Variants in MTMR12 observed in about 807,000 individuals in gnomAD.
MTMR12 encodes the protein myotubularin related protein 12, also known as myotubularin-related protein 12.
MTMR12 carries 33 observed loss-of-function variants against 96.7 expected under a neutral mutation model. The observed-to-expected ratio is 0.34, with a 90% confidence interval of 0.26 to 0.46. The LOEUF is 0.46. MTMR12 is among the 20% of genes least tolerant of loss of function. MTMR12 has a pLI of 1.00. For synonymous variants in MTMR12, 298 were observed against 327.2 expected, an observed-to-expected ratio of 0.91 and a Z score of 0.96; for missense variants, 721 against 896.1, an observed-to-expected ratio of 0.80 and a Z score of 2.49.
chr5:32,239,281 G>A lies in MTMR12; in HGVS notation c.1172-108C>T, dbSNP rs923747254. On this transcript the variant is annotated intron_variant, in intron 12 of 15. Coordinates refer to ENST00000382142, the MANE Select transcript of MTMR12 (RefSeq NM_001040446.3). ...TTAAAAGTAGGATTCCCAACACCAA[G>A]GTCTACTATTAACAGTCATGTTCTT... The A allele has an allele frequency of 3.5e-6, 4 of 1,136,338 alleles. No individual in the cohort carries two copies. The South Asian group carries it at 6.5e-5, about 19-fold the overall frequency. The allele number at this position is 1,136,338 out of a possible 1,614,324, so 70.4% of individuals were successfully genotyped here. A position where few individuals can be genotyped will look rare whatever the true frequency, so the allele number is the denominator to read the frequency against.
At chr5:32,282,218 T>C (rs1308389463) in intron 1 of MTMR12, among the ~76,000 whole-genome samples, 1 of 151,790 alleles carries the variant, frequency 6.6e-6, no homozygotes, top group African/African-American at 2.4e-5. Flanking sequence ...CCGTCTCTAC[T>C]AAAAATACAA....
At chr5:32,251,589 A>T (rs909073587) in intron 8 of MTMR12, among the ~76,000 whole-genome samples, 5 of 152,226 alleles carry the variant, frequency 3.3e-5, no homozygotes, top group Non-Finnish European at 7.3e-5. Context: ...TGGTAGAGAA[A>T]ACAAGTATAG....
intron 2 of MTMR12, among the ~76,000 whole-genome samples, chr5:32,276,010 T>G (rs949701231): frequency 1.3e-5 from 2 of 152,152 alleles, no homozygotes; most frequent in Non-Finnish European, 2.9e-5. Flanking sequence ...AAAGCTATTT[T>G]GAATTAAGAA....
At chr5:32,276,612 G>A in intron 2 of MTMR12, 70 bp downstream of exon 2, 2 of 1,321,738 alleles carry the variant, frequency 1.5e-6, no homozygotes, top group Middle Eastern at 1.8e-4. Context: ...AATATAGCAA[G>A]GCTAGGGATG....
rs1308029775 is a variant in MTMR12, at chr5:32,312,370, G to A, written c.81+388C>T. On this transcript the variant is annotated intron_variant, in intron 1 of 15. Coordinates refer to ENST00000382142, the MANE Select transcript of MTMR12 (RefSeq NM_001040446.3). This position sits in a 1 kb window ranked among gnomAD's most constrained non-coding sequence, Gnocchi z 5.0. ...GGCTCACTGAGAAAGTCCAGAGGCA[G>A]GACGGACCCACGCGGGCTCCGAGCA... Among the ~76,000 whole-genome samples, 1 of 152,234 alleles carries A rather than the reference G, an allele frequency of 6.6e-6. No individual in the cohort carries two copies. The highest frequency in any genetic ancestry group is 1.9e-4 in the East Asian group (1 of 5,190).
chr5:32,305,125 G>A (rs1305503165), intron 1 of MTMR12, among the ~76,000 whole-genome samples: 1 of 152,126 alleles, frequency 6.6e-6, no homozygotes, highest in African/African-American at 2.4e-5. Flanking sequence ...GTCTTGCTCT[G>A]TCGCCCAGGC....
At chr5:32,265,507 C>T (rs1461107882) in intron 6 of MTMR12, among the ~76,000 whole-genome samples, 1 of 152,182 alleles carries the variant, frequency 6.6e-6, no homozygotes, top group Non-Finnish European at 1.5e-5. Context: ...CAAATGTGCA[C>T]TCAATAAATG....
chr5:32,233,730 G>A lies in MTMR12; in HGVS notation c.1674+43C>T, dbSNP rs756039223. On this transcript the variant is annotated intron_variant, in intron 15 of 15. Transcript: ENST00000382142. This position sits in a 1 kb window ranked among gnomAD's most constrained non-coding sequence, Gnocchi z 5.0. ...GTACCTTTTATCATTACATGCACGG[G>A]GTCTGGGCAGCTGAAGGGGGTTTAG... is the stretch of plus-strand genomic sequence containing the variant. The A allele has an allele frequency of 6.2e-7, 1 of 1,613,146 alleles. No individual in the cohort carries two copies. The highest frequency in any genetic ancestry group is 8.5e-7 in the Non-Finnish European group (1 of 1,179,186).
rs527575117 is a variant in MTMR12 at position 32,303,207 on chromosome 5, G to A, written c.81+9551C>T. ...TTGATATTAATAAATGTTCATACAT[G>A]TCTATTATATAACATGGACATATCA... On this transcript the variant is annotated intron_variant, in intron 1 of 15. Transcript: ENST00000382142. 6.6e-5 allele frequency among the ~76,000 whole-genome samples: 10 copies of A among 152,268 alleles called. No homozygotes were observed. The South Asian group carries it at 1.7e-3, about 25-fold the overall frequency.
In MTMR12 at chr5:32,276,644, G is replaced by A. The variant is rs766482853; in HGVS notation, c.142+38C>T. 1.7e-5 allele frequency: 26 copies of A among 1,549,338 alleles called. No individual in the cohort carries two copies. In the East Asian group the frequency reaches 2.0e-4, roughly 12 times the overall value. ...GATGATGTAATTTATCATTGGCTTT[G>A]CCTTGCATAGGAGTTACTATGCTAA... On this transcript the variant is annotated intron_variant, in intron 2 of 15. Coordinates refer to ENST00000382142, the MANE Select transcript of MTMR12 (RefSeq NM_001040446.3).
In MTMR12 at chr5:32,312,365, A is replaced by G. The variant is rs1184752944; in HGVS notation, c.81+393T>C. Among the ~76,000 whole-genome samples the G allele has an allele frequency of 6.6e-6, 1 of 152,166 alleles. No homozygotes were observed. Among genetic ancestry groups the G allele is most frequent in the Non-Finnish European group, 1.5e-5 (1 of 68,020 alleles). Reference sequence around the variant, plus strand: ...TTCTGGGCTCACTGAGAAAGTCCAGAGGCAGGACGGACCCACGCGGGCTCC... The same window carrying G: ...TTCTGGGCTCACTGAGAAAGTCCAGGGGCAGGACGGACCCACGCGGGCTCC... On this transcript the variant is annotated intron_variant, in intron 1 of 15. Transcript: ENST00000382142. This position sits in a 1 kb window ranked among gnomAD's most constrained non-coding sequence, Gnocchi z 5.0.
Position 32,238,938 on chromosome 5 carries a change from T to C in MTMR12, c.1344+63A>G, listed in dbSNP as rs1344430497. On this transcript the variant is annotated intron_variant, in intron 13 of 15. Transcript: ENST00000382142. The stretch of plus-strand genomic sequence containing the variant: ...CAATCCTACTACATCTGATGACAGG[T>C]ATTAAATAAGAGATTCAGTAGTTCT... The C allele has an allele frequency of 3.5e-6, 5 of 1,435,762 alleles. No homozygotes were observed. In the African/African-American group the frequency reaches 7.0e-5, roughly 20 times the overall value. 88.9% of individuals were successfully genotyped at this position (1,435,762 alleles called of 1,614,324 possible).
chr5:32,257,426 T>C (rs1222249251), intron 7 of MTMR12, among the ~76,000 whole-genome samples: 1 of 152,274 alleles, frequency 6.6e-6, no homozygotes, highest in East Asian at 1.9e-4. Context: ...TTAGGGTAAA[T>C]GGGAATTCAT....
At position 32,229,913 on chromosome 5, in the gene MTMR12, C is replaced by T. The variant is rs572735827; in HGVS notation, c.2109G>A (p.Ser703=). ...PCLLRNSARL[S]SLFPFALLQR... Reference sequence around the variant, plus strand: ...GGAGCAGAGCGAAAGGAAACAAAGACGAGAGGCGGGCAGAGTTCCTCAGCA... The same window carrying T: ...GGAGCAGAGCGAAAGGAAACAAAGATGAGAGGCGGGCAGAGTTCCTCAGCA... Residue 703 remains serine (S), a synonymous_variant, in exon 16 of 16, where the codon TCG becomes TCA. Transcript: ENST00000382142. The T allele has an allele frequency of 3.9e-5, 63 of 1,613,126 alleles. No homozygotes were observed. Among genetic ancestry groups the T allele is most frequent in the Non-Finnish European group, 4.8e-5 (57 of 1,179,480 alleles).
chr5:32,278,736 C>T (rs530924534), intron 1 of MTMR12, among the ~76,000 whole-genome samples: 4 of 152,214 alleles, frequency 2.6e-5, no homozygotes, highest in African/African-American at 9.6e-5. Flanking sequence ...GGGGCTTAAG[C>T]AAGAGGAACT....
chr5:32,301,475 C>T (rs933010907), intron 1 of MTMR12, among the ~76,000 whole-genome samples: 3 of 152,232 alleles, frequency 2.0e-5, no homozygotes, highest in African/African-American at 7.2e-5. Flanking sequence ...TTACTTCTTC[C>T]AAGGACAGGG....
intron 1 of MTMR12, among the ~76,000 whole-genome samples, chr5:32,277,683 T>C (rs998469198): frequency 4.7e-5 from 7 of 149,084 alleles, no homozygotes; most frequent in Non-Finnish European, 7.4e-5. Flanking sequence ...TGGGTAACAG[T>C]GGGACTCTGT....
intron 11 of MTMR12, 108 bp from the exon 12 acceptor site, chr5:32,242,235 T>TC: frequency 6.6e-6 from 2 of 301,482 alleles, no homozygotes; most frequent in African/African-American, 4.5e-5. Flanking sequence ...TTCTCTCTTA[T>TC]TTTTTTTTTT....
intron 1 of MTMR12, among the ~76,000 whole-genome samples, chr5:32,287,632 T>C (rs1284483897): frequency 3.9e-5 from 6 of 152,178 alleles, no homozygotes; most frequent in Non-Finnish European, 7.3e-5. Flanking sequence ...AGGAACAGAA[T>C]AGTAAGGATG....
Sources: gnomAD v4.1 joint callset for allele counts (sites outside exome capture counted in the v4.1 genomes callset) on GRCh38, gnomAD v4.1.1 for gene constraint, Gnocchi (gnomAD v3.1) non-coding constraint, MANE v1.5 for transcripts, NCBI Gene and HGNC (gene_info 2026-07-23, HGNC 2026-07-21) for gene names.